The following SUGCT variants were observed in gnomAD, a reference collection of about 807,000 sequenced individuals.
SUGCT encodes the protein succinyl-CoA:glutarate-CoA transferase.
In SUGCT, 41 loss-of-function variants were observed where a neutral mutation model predicts 55.0. The observed-to-expected ratio is 0.74, with a 90% CI of 0.58 to 0.97. The LOEUF (loss-of-function observed/expected upper bound fraction) is 0.97. Ranked by LOEUF, SUGCT falls within the 50% of genes least tolerant of loss-of-function variation. The pLI, the probability that SUGCT is intolerant of heterozygous loss-of-function variation, is 0.00. For missense variants in SUGCT, 568 were observed against 547.8 expected, an observed-to-expected ratio of 1.04 and a Z score of -0.37; for synonymous variants, 187 against 200.4, an observed-to-expected ratio of 0.93 and a Z score of 0.56.
At chr7:40,481,371 T>A (rs1791027599) in intron 11 of SUGCT, among the ~76,000 whole-genome samples, 1 of 150,736 alleles carries the variant, frequency 6.6e-6, no homozygotes, top group Admixed American at 6.6e-5. Context: ...ATATATAATA[T>A]TTCCTATATG....
intron 11 of SUGCT, among the ~76,000 whole-genome samples, chr7:40,489,741 C>A (rs1309084218): frequency 1.3e-5 from 2 of 152,040 alleles, no homozygotes; most frequent in African/African-American, 4.8e-5. Flanking sequence ...AAAACACACA[C>A]ACACACAAAC....
At chr7:40,423,185 G>A (rs1787404857) in intron 9 of SUGCT, among the ~76,000 whole-genome samples, 1 of 151,964 alleles carries the variant, frequency 6.6e-6, no homozygotes, top group Non-Finnish European at 1.5e-5. Flanking sequence ...AGTTATCAGA[G>A]GTATAATTTT....
chr7:40,564,154 A>G (rs535110863), intron 12 of SUGCT, among the ~76,000 whole-genome samples: 113 of 152,330 alleles, frequency 7.4e-4, no homozygotes, highest in African/African-American at 2.7e-3. Flanking sequence ...CAGGCGGATC[A>G]CGAGGTCAGG....
chr7:40,676,204 A>C (rs1783969656), intron 12 of SUGCT, among the ~76,000 whole-genome samples: 1 of 152,122 alleles, frequency 6.6e-6, no homozygotes, highest in Non-Finnish European at 1.5e-5. Context: ...TGATTAAAAA[A>C]CTTACTTCAT....
At chr7:40,710,353 A>T (rs1392466950) in intron 12 of SUGCT, among the ~76,000 whole-genome samples, 2 of 152,210 alleles carry the variant, frequency 1.3e-5, no homozygotes, top group Non-Finnish European at 2.9e-5. Context: ...TTCTACAAGT[A>T]TTAGGAACAA....
chr7:40,584,781 C>G (rs1343159607), intron 12 of SUGCT, among the ~76,000 whole-genome samples: 1 of 152,112 alleles, frequency 6.6e-6, no homozygotes, highest in Non-Finnish European at 1.5e-5. Context: ...TCCACTGTGG[C>G]GAACTATTTA....
At chr7:40,163,953 C>T (rs958316837) in intron 1 of SUGCT, among the ~76,000 whole-genome samples, 7 of 152,030 alleles carry the variant, frequency 4.6e-5, no homozygotes, top group Middle Eastern at 3.4e-3. Flanking sequence ...TCCCAGATAG[C>T]TGGGACTGCA....
intron 9 of SUGCT, among the ~76,000 whole-genome samples, chr7:40,389,961 G>C (rs1785333096): frequency 2.0e-5 from 3 of 152,192 alleles, no homozygotes; most frequent in Admixed American, 6.5e-5. Context: ...TCATCCCTGG[G>C]ATGCAAGGCT....
chr7:40,367,956 A>G (rs981047876), intron 9 of SUGCT, among the ~76,000 whole-genome samples: 1 of 151,862 alleles, frequency 6.6e-6, no homozygotes, highest in Non-Finnish European at 1.5e-5. Context: ...CAGGCAAACC[A>G]CCTGCTTTCA....
rs562589166 is a variant in SUGCT, at chr7:40,406,769, A to G, written c.817-42518A>G. 1.5e-3 allele frequency among the ~76,000 whole-genome samples: 234 copies of G among 152,332 alleles called. 3 individuals are homozygous for G. Among genetic ancestry groups the G allele is most frequent in the East Asian group, 5.8e-4 (3 of 5,190 alleles). ...TAAGTATTCCAAAAATCTGTCCTAG[A>G]CTTTTGAGAAGTTTTTAAAAGAGTA... On this transcript the variant is annotated intron_variant, in intron 9 of 13. Transcript: ENST00000335693.
At chr7:40,985,775 C>A in the SUGCT span, among the ~76,000 whole-genome samples, 2 of 152,300 alleles carry the variant, frequency 1.3e-5, no homozygotes, top group Non-Finnish European at 2.9e-5. Flanking sequence ...ACAATCAGAT[C>A]TGTATCTTAG....
Position 40,274,073 on chromosome 7 carries a change from CTTTT to C in SUGCT, c.577-418_577-415del, listed in dbSNP as rs386409972. Among the ~76,000 whole-genome samples the C allele has an allele frequency of 4.0e-4, 27 of 68,018 alleles. 1 individual carries two copies. Among genetic ancestry groups the C allele is most frequent in the Non-Finnish European group, 5.8e-4 (23 of 39,640 alleles). The allele number at this position is 68,018 out of a possible 152,430, so 44.6% of individuals were successfully genotyped here. On this transcript the variant is annotated intron_variant, in intron 7 of 13. Transcript: ENST00000335693. The stretch of plus-strand genomic sequence containing the variant: ...GAGGTTTGACCAGATTTTTTACCTT[CTTTT>C]TTTTTTTTTTTTTTTTTTTTTGTGA...
At chr7:40,652,850 A>G (rs17171753) in intron 12 of SUGCT, among the ~76,000 whole-genome samples, 1 of 151,990 alleles carries the variant, frequency 6.6e-6, no homozygotes, top group South Asian at 2.1e-4. Context: ...CACCTTAATG[A>G]CCTTCTTATC....
At chr7:40,413,925 A>G (rs912776940) in intron 9 of SUGCT, among the ~76,000 whole-genome samples, 1 of 152,218 alleles carries the variant, frequency 6.6e-6, no homozygotes, top group African/African-American at 2.4e-5. Context: ...AGGACTTGGG[A>G]AAGTGTCTTT....
At chr7:40,610,567 G>T (rs930956468) in intron 12 of SUGCT, among the ~76,000 whole-genome samples, 2 of 152,164 alleles carry the variant, frequency 1.3e-5, no homozygotes, top group African/African-American at 4.8e-5. Flanking sequence ...TGCTAGAAGA[G>T]AGCTAGTTCT....
chr7:40,668,181 G>T (rs1006310681), intron 12 of SUGCT, among the ~76,000 whole-genome samples: 13 of 152,092 alleles, frequency 8.5e-5, no homozygotes, highest in African/African-American at 3.1e-4. Context: ...GAATGGTATT[G>T]ACTGAGTCCT....
intron 8 of SUGCT, among the ~76,000 whole-genome samples, chr7:40,276,587 A>G (rs1442194422): frequency 1.3e-5 from 2 of 152,192 alleles, no homozygotes; most frequent in East Asian, 3.8e-4. Context: ...TAATGTATAA[A>G]GAGTATTGTA....
At chr7:40,887,758 G>C in the SUGCT span, among the ~76,000 whole-genome samples, 1 of 152,320 alleles carries the variant, frequency 6.6e-6, no homozygotes, top group African/African-American at 2.4e-5. Flanking sequence ...AGAGGAAAAA[G>C]ACAGGGCTCT....
intron 12 of SUGCT, among the ~76,000 whole-genome samples, chr7:40,614,699 G>A (rs911202618): frequency 7.9e-5 from 12 of 152,198 alleles, no homozygotes; most frequent in Non-Finnish European, 8.8e-5. Context: ...AGAGGAAAAT[G>A]ATAAAGGCCA....
Sources: gnomAD v4.1 joint callset for allele counts (sites outside exome capture counted in the v4.1 genomes callset) on GRCh38, gnomAD v4.1.1 for gene constraint, MANE v1.5 for transcripts, NCBI Gene and HGNC (gene_info 2026-07-23, HGNC 2026-07-21) for gene names.